MLLT1: variants seen among roughly 807,000 people sequenced by gnomAD.
MLLT1 encodes the protein protein ENL.
In MLLT1, 11 loss-of-function variants were observed where a neutral mutation model predicts 55.1. The observed-to-expected ratio is 0.20, with a 90% confidence interval of 0.13 to 0.33. The LOEUF is 0.33. Among genes scored for constraint, MLLT1 ranks in the 10% least tolerant of loss-of-function variants. MLLT1 has a pLI of 1.00. For missense variants in MLLT1, 536 were observed against 760.6 expected (o/e 0.70, Z 3.47); for synonymous variants, 323 against 320.1 (o/e 1.01, Z -0.10).
At chr19:6,254,827 T>C (rs2091245514) in intron 3 of MLLT1, among the ~76,000 whole-genome samples, 1 of 152,140 alleles carries the variant, frequency 6.6e-6, no homozygotes, top group African/African-American at 2.4e-5. Flanking sequence ...TCCACTGCTA[T>C]TCAACACTGT....
Position 6,273,319 on chromosome 19 carries a change from C to T in MLLT1, c.13-2560G>A, listed in dbSNP as rs949662082. Among the ~76,000 whole-genome samples, 7 of 152,032 alleles carry T rather than the reference C, an allele frequency of 4.6e-5. No homozygotes were observed. Among genetic ancestry groups the T allele is most frequent in the South Asian group, 2.1e-4 (1 of 4,822 alleles). ...CCAAAGCCACAGAACTGACAGGACC[C>T]GAGGGTGGAGGACATTCAGGTAACC... is the stretch of plus-strand genomic sequence containing the variant. On this transcript the variant is annotated intron_variant, in intron 1 of 11. Transcript: ENST00000252674. The surrounding 1 kb of genome is among the most constrained non-coding windows in gnomAD (Gnocchi z 4.3).
At position 6,262,153 on chromosome 19, in the gene MLLT1, T is replaced by C. The variant is rs2091310985; in HGVS notation, c.276+75A>G. Reference sequence around the variant, plus strand: ...GCAGCGGCCAGTTCTCTGGCCTGTTTTGTGAACTGCCGTGGCACCCGGAGC... The same window carrying C: ...GCAGCGGCCAGTTCTCTGGCCTGTTCTGTGAACTGCCGTGGCACCCGGAGC... On this transcript the variant is annotated intron_variant, in intron 3 of 11. Coordinates refer to ENST00000252674, the MANE Select transcript of MLLT1 (RefSeq NM_005934.4). The surrounding 1 kb of genome is among the most constrained non-coding windows in gnomAD (Gnocchi z 4.4). 8.4e-7 allele frequency: 1 copy of C among 1,186,834 alleles called. No individual in the cohort carries two copies. Among genetic ancestry groups the C allele is most frequent in the African/African-American group, 1.5e-5 (1 of 66,558 alleles). The allele number at this position is 1,186,834 out of a possible 1,614,324, so 73.5% of individuals were successfully genotyped here. A position where few individuals can be genotyped will look rare whatever the true frequency, so the allele number is the denominator to read the frequency against.
chr19:6,211,266 G>C lies in MLLT1; in HGVS notation c.*1776C>G. On this transcript the variant is annotated 3_prime_UTR_variant, in exon 12 of 12. Transcript: ENST00000252674. The surrounding 1 kb of genome is among the most constrained non-coding windows in gnomAD (Gnocchi z 4.6). ...TGTTGGCCGCCCTGGGAAGGGGAGA[G>C]GGGGCACAGGGGCCTGCCCTCTTCC... The C allele has an allele frequency of 8.6e-6, 2 of 232,766 alleles. No homozygotes were observed. The highest frequency in any genetic ancestry group is 6.1e-5 in the East Asian group (1 of 16,452). The allele number at this position is 232,766 out of a possible 1,614,324, so 14.4% of individuals were successfully genotyped here.
chr19:6,238,895 C>T (rs1033969888), intron 3 of MLLT1, among the ~76,000 whole-genome samples: 2 of 152,242 alleles, frequency 1.3e-5, no homozygotes, highest in Non-Finnish European at 2.9e-5. Context: ...CAGGCGGCTA[C>T]CTTGGAACTA....
chr19:6,215,863 G>A (rs1385161788), intron 8 of MLLT1, among the ~76,000 whole-genome samples: 2 of 152,180 alleles, frequency 1.3e-5, no homozygotes, highest in Non-Finnish European at 2.9e-5. Context: ...TCTCCCAGGT[G>A]GGGTCACGCC....
chr19:6,233,459 G>T (rs1427714860), intron 3 of MLLT1, among the ~76,000 whole-genome samples: 1 of 152,346 alleles, frequency 6.6e-6, no homozygotes, highest in South Asian at 2.1e-4. Flanking sequence ...GCCCCAGGCG[G>T]GGAGGTGTGA....
intron 11 of MLLT1, 40 bp downstream of exon 11, chr19:6,213,297 C>T (rs1224850582): frequency 8.1e-6 from 13 of 1,610,954 alleles, no homozygotes; most frequent in Non-Finnish European, 1.1e-5. Flanking sequence ...CTCACAGGCA[C>T]CCCGACCTCT....
Position 6,235,600 on chromosome 19 carries a change from C to A in MLLT1, c.277-4887G>T, listed in dbSNP as rs2091053015. ...GGAACTGGGTCCTCTCCTCTCCACA[C>A]TCCTGGCCACAGCTGTGCACCCTGG... On this transcript the variant is annotated intron_variant, in intron 3 of 11. Coordinates refer to ENST00000252674, the MANE Select transcript of MLLT1 (RefSeq NM_005934.4). This position sits in a 1 kb window ranked among gnomAD's most constrained non-coding sequence, Gnocchi z 5.5. Among the ~76,000 whole-genome samples the A allele has an allele frequency of 6.6e-6, 1 of 152,174 alleles. No individual in the cohort carries two copies. The highest frequency in any genetic ancestry group is 2.4e-5 in the African/African-American group (1 of 41,446).
In MLLT1 at chr19:6,222,704, G is replaced by A. The variant is rs775252145; in HGVS notation, c.547-20C>T. Reference sequence around the variant, plus strand: ...GGCGTCCTGCAAGGCCAAGAGCAGGGAGGGCAAGGGGAGAGACAAGGTCAC... The same window carrying A: ...GGCGTCCTGCAAGGCCAAGAGCAGGAAGGGCAAGGGGAGAGACAAGGTCAC... On this transcript the variant is annotated intron_variant, in intron 5 of 11. Transcript: ENST00000252674. This position sits in a 1 kb window ranked among gnomAD's most constrained non-coding sequence, Gnocchi z 4.1. The A allele has an allele frequency of 3.3e-6, 5 of 1,505,306 alleles. No homozygotes were observed. In the Admixed American group the frequency reaches 1.0e-4, roughly 32 times the overall value. The allele number at this position is 1,505,306 out of a possible 1,614,324, so 93.2% of individuals were successfully genotyped here.
intron 5 of MLLT1, among the ~76,000 whole-genome samples, chr19:6,224,971 C>G (rs945247233): frequency 6.6e-6 from 1 of 152,138 alleles, no homozygotes. Context: ...CCTCGTGATC[C>G]GAATTAGGCA....
chr19:6,241,410 G>A (rs916458754), intron 3 of MLLT1, among the ~76,000 whole-genome samples: 1 of 126,698 alleles, frequency 7.9e-6, no homozygotes, highest in East Asian at 2.0e-4. Context: ...TGTACAGGAG[G>A]CACAAACAGT....
intron 2 of MLLT1, among the ~76,000 whole-genome samples, chr19:6,264,854 C>A (rs2091333555): frequency 7.3e-6 from 1 of 137,372 alleles, no homozygotes; most frequent in African/African-American, 2.7e-5. Flanking sequence ...AAGATAGTGC[C>A]ACTGCCCTCC....
At chr19:6,255,752 A>G (rs1162717477) in intron 3 of MLLT1, among the ~76,000 whole-genome samples, 1 of 152,232 alleles carries the variant, frequency 6.6e-6, no homozygotes, top group Non-Finnish European at 1.5e-5. Context: ...TGGAATCACA[A>G]GGGGCACAGA....
intron 3 of MLLT1, among the ~76,000 whole-genome samples, chr19:6,251,315 T>G (rs1366336203): frequency 6.6e-6 from 1 of 152,230 alleles, no homozygotes; most frequent in Non-Finnish European, 1.5e-5. Context: ...ATTCACTGGT[T>G]GTGCCAGGAG....
rs1037368764 is a variant in MLLT1, at chr19:6,212,864, A to C, written c.*178T>G. On this transcript the variant is annotated 3_prime_UTR_variant, in exon 12 of 12. Transcript: ENST00000252674. ...CAGCCCGGCCCCAGGGCTCCTGGCGATGGAGCGGGGAGAGTGGGCAGGGAG... is the reference window on the plus strand; with the variant it reads ...CAGCCCGGCCCCAGGGCTCCTGGCGCTGGAGCGGGGAGAGTGGGCAGGGAG... The C allele has an allele frequency of 3.1e-6, 3 of 961,890 alleles. No individual in the cohort carries two copies. The highest frequency in any genetic ancestry group is 3.4e-5 in the African/African-American group (2 of 57,996). 59.6% of individuals were successfully genotyped at this position (961,890 alleles called of 1,614,324 possible).
At chr19:6,215,253 T>C (rs1568273990) in intron 8 of MLLT1, among the ~76,000 whole-genome samples, 1 of 152,202 alleles carries the variant, frequency 6.6e-6, no homozygotes, top group Non-Finnish European at 1.5e-5. Context: ...CGCGTGTGGC[T>C]CGGTCCCTGT....
chr19:6,234,291 G>A (rs1333394359), intron 3 of MLLT1, among the ~76,000 whole-genome samples: 1 of 152,250 alleles, frequency 6.6e-6, no homozygotes, highest in African/African-American at 2.4e-5. Context: ...GGCCTTGGCC[G>A]CCCCTGCGGA....
At position 6,210,624 on chromosome 19, in the gene MLLT1, G is replaced by A. The variant is rs752063320; in HGVS notation, c.*2418C>T. ...AGGTATTCGATACCATTTGCTTTCC[G>A]GCGTCGGTTTACATTTTTGTTCAGG... On this transcript the variant is annotated 3_prime_UTR_variant, in exon 12 of 12. Coordinates refer to ENST00000252674, the MANE Select transcript of MLLT1 (RefSeq NM_005934.4). This position sits in a 1 kb window ranked among gnomAD's most constrained non-coding sequence, Gnocchi z 4.6. 8.8e-6 allele frequency: 2 copies of A among 226,466 alleles called. No homozygotes were observed. Among genetic ancestry groups the A allele is most frequent in the East Asian group, 1.3e-4 (2 of 15,876 alleles). 14.0% of individuals were successfully genotyped at this position (226,466 alleles called of 1,614,324 possible). A position where few individuals can be genotyped will look rare whatever the true frequency, so the allele number is the denominator to read the frequency against.
intron 2 of MLLT1, among the ~76,000 whole-genome samples, chr19:6,263,976 C>T (rs2091326462): frequency 1.3e-5 from 2 of 151,800 alleles, no homozygotes; most frequent in Non-Finnish European, 2.9e-5. Context: ...ACTGCCACTG[C>T]GGGGCCTGAG....
Sources: gnomAD v4.1 joint callset for allele counts (sites outside exome capture counted in the v4.1 genomes callset) on GRCh38, gnomAD v4.1.1 for gene constraint, Gnocchi (gnomAD v3.1) non-coding constraint, MANE v1.5 for transcripts, NCBI Gene and HGNC (gene_info 2026-07-23, HGNC 2026-07-21) for gene names.